Variants in FRMPD1 observed in about 807,000 individuals in gnomAD.
The protein encoded by FRMPD1 is FERM and PDZ domain containing 1.
In FRMPD1, 76 loss-of-function variants were observed where a neutral mutation model predicts 117.8. The ratio of observed to expected loss-of-function variants is 0.65; its 90% CI spans 0.54 to 0.78. The LOEUF (loss-of-function observed/expected upper bound fraction) is 0.78, where lower values mean the gene tolerates loss of function less well. FRMPD1 is among the 30% of genes least tolerant of loss of function. FRMPD1 has a pLI of 0.00. For synonymous variants in FRMPD1, 783 were observed against 770.4 expected, an observed-to-expected ratio of 1.02 and a Z score of -0.27; for missense variants, 1,786 against 1,964.5, an observed-to-expected ratio of 0.91 and a Z score of 1.72.
chr9:37,719,137 G>A lies in FRMPD1; in HGVS notation c.477G>A (p.Val159=), dbSNP rs1260792563. The stretch of plus-strand genomic sequence containing the variant: ...GACTGAAGACCAACCCCGTGAAGGT[G>A]CACTTTGCTGAAGAAGTGCTCATCA... ...RARLKTNPVK[V]HFAEEVLISG... Residue 159 remains valine (V), a synonymous_variant, in exon 6 of 16, where the codon GTG becomes GTA. Coordinates refer to ENST00000377765, the MANE Select transcript of FRMPD1 (RefSeq NM_014907.3). 7 of 1,613,320 alleles carry A rather than the reference G, an allele frequency of 4.3e-6. No homozygotes were observed. Among genetic ancestry groups the A allele is most frequent in the Non-Finnish European group, 4.2e-6 (5 of 1,179,340 alleles).
upstream of FRMPD1, among the ~76,000 whole-genome samples, chr9:37,649,461 G>C (rs2119345144): frequency 6.6e-6 from 1 of 152,288 alleles, no homozygotes; most frequent in South Asian, 2.1e-4. Context: ...CGTGGATCTG[G>C]GTGGCAGAGG....
chr9:37,733,781 G>T lies in FRMPD1; in HGVS notation c.1174G>T (p.Glu392Ter), dbSNP rs979040535. The T allele has an allele frequency of 1.6e-5, 25 of 1,606,524 alleles. No homozygotes were observed. Among genetic ancestry groups the T allele is most frequent in the Non-Finnish European group, 1.9e-5 (22 of 1,173,212 alleles). The change falls in exon 12 of 16, where the codon GAA (glutamate) becomes TAA (stop). Residue 392 changes from glutamate (E) to a stop codon, truncating the protein, a stop_gained. Coordinates refer to ENST00000377765, the MANE Select transcript of FRMPD1 (RefSeq NM_014907.3). LOFTEE classifies it high-confidence loss of function. ...LRLNYLQILGELKTYGGRIFN... is the reference protein window; with the variant it reads ...LRLNYLQILG ...TTTAAATTATCTACAGATCCTCGGA[G>T]AACTCAAGACATATGGTGGAAGAAT... is the stretch of plus-strand genomic sequence containing the variant.
In FRMPD1 at chr9:37,744,917, C is replaced by A. The variant is rs1412162831; in HGVS notation, c.2885C>A (p.Ala962Asp). Reference sequence around the variant, plus strand: ...GAGAATTCTGGTGTTGTCCCTGCTGCCAGCTCCTCAGCAAGCACTCCTCAC... The same window carrying A: ...GAGAATTCTGGTGTTGTCCCTGCTGACAGCTCCTCAGCAAGCACTCCTCAC... ...NKENSGVVPA[A>D]SSSASTPHCS... The change falls in exon 16 of 16, where the codon GCC becomes GAC. Residue 962 changes from alanine (A) to aspartate (D), a missense_variant. Transcript: ENST00000377765. 1.2e-6 allele frequency: 2 copies of A among 1,614,216 alleles called. No individual in the cohort carries two copies. Among genetic ancestry groups the A allele is most frequent in the Admixed American group, 3.3e-5 (2 of 60,032 alleles).
intron 1 of FRMPD1, among the ~76,000 whole-genome samples, chr9:37,662,529 G>C (rs541264398): frequency 6.8e-4 from 104 of 152,340 alleles, no homozygotes; most frequent in African/African-American, 2.4e-3. Context: ...GGAATACAGG[G>C]CTGAGGGATC....
At chr9:37,671,056 T>C (rs1821333770) in intron 1 of FRMPD1, among the ~76,000 whole-genome samples, 1 of 152,238 alleles carries the variant, frequency 6.6e-6, no homozygotes, top group Admixed American at 6.5e-5. Context: ...ACATTTTCTT[T>C]TAAACAAAAT....
intron 2 of FRMPD1, among the ~76,000 whole-genome samples, chr9:37,698,549 C>CTTTTTTTTTTT (rs531498194): frequency 3.2e-4 from 24 of 74,598 alleles, no homozygotes; most frequent in Non-Finnish European, 4.0e-4. Context: ...ATCTCATTAT[C>CTTTTTTTTTTT]TTTTTTTTTT....
intron 1 of FRMPD1, among the ~76,000 whole-genome samples, chr9:37,653,984 A>G (rs1229624713): frequency 6.6e-6 from 1 of 152,166 alleles, no homozygotes; most frequent in African/African-American, 2.4e-5. Flanking sequence ...ACAGAGGGTG[A>G]AGAATAACAT....
upstream of FRMPD1, among the ~76,000 whole-genome samples, chr9:37,647,343 A>G (rs913828065): frequency 1.3e-5 from 2 of 151,882 alleles, no homozygotes; most frequent in Non-Finnish European, 2.9e-5. Flanking sequence ...CCCCGTCTCT[A>G]CTAAAAATAC....
At chr9:37,685,220 G>C (rs1588925732) in intron 1 of FRMPD1, among the ~76,000 whole-genome samples, 1 of 152,108 alleles carries the variant, frequency 6.6e-6, no homozygotes, top group South Asian at 2.1e-4. Context: ...TTTAAAACAA[G>C]TTTTAAGGAT....
chr9:37,610,769 G>A, the FRMPD1 span, among the ~76,000 whole-genome samples: 3,404 of 151,406 alleles, frequency 0.022, 138 homozygotes, highest in African/African-American at 0.079. Flanking sequence ...TAATTGTGTG[G>A]TTTTTTTTCT....
chr9:37,708,429 G>A lies in FRMPD1; in HGVS notation c.290G>A (p.Gly97Asp), dbSNP rs763230237. 7 of 1,613,220 alleles carry A rather than the reference G, an allele frequency of 4.3e-6. No homozygotes were observed. Among genetic ancestry groups the A allele is most frequent in the Non-Finnish European group, 5.9e-6 (7 of 1,179,296 alleles). The change falls in exon 4 of 16, where the codon GGT (glycine) becomes GAT (aspartate). Residue 97 changes from glycine to aspartate, a missense_variant. Gly to Asp is a moderately conservative substitution (Grantham distance 94). Transcript: ENST00000377765. ...GGSAHGKLFP[G>D]DQILQMNNEP... is the part of the protein sequence containing the mutation. Reference sequence around the variant, plus strand: ...TCTGCTCACGGCAAGCTTTTCCCTGGTGATCAGATCCTCCAAATGAACAAT... The same window carrying A: ...TCTGCTCACGGCAAGCTTTTCCCTGATGATCAGATCCTCCAAATGAACAAT...
intron 1 of FRMPD1, among the ~76,000 whole-genome samples, chr9:37,677,005 G>C (rs1468234155): frequency 6.6e-6 from 1 of 152,196 alleles, no homozygotes; most frequent in African/African-American, 2.4e-5. Context: ...GGATCTAATG[G>C]AACGAATTGC....
chr9:37,647,979 C>G (rs1824173551), upstream of FRMPD1, among the ~76,000 whole-genome samples: 1 of 152,220 alleles, frequency 6.6e-6, no homozygotes, highest in South Asian at 2.1e-4. Context: ...AGCGACTTTA[C>G]TTCTTGGAGC....
At chr9:37,737,508 C>A (rs1361333410) in intron 14 of FRMPD1, among the ~76,000 whole-genome samples, 2 of 152,168 alleles carry the variant, frequency 1.3e-5, no homozygotes, top group South Asian at 2.1e-4. Context: ...CTAAGATTGT[C>A]TCTCAGATCC....
intron 1 of FRMPD1, among the ~76,000 whole-genome samples, chr9:37,683,861 A>G (rs187754983): frequency 0.055 from 4,663 of 84,292 alleles, 155 homozygotes; most frequent in East Asian, 0.25. Flanking sequence ...TGAAGTTAGC[A>G]AGTAGGCAGG....
intron 6 of FRMPD1, among the ~76,000 whole-genome samples, chr9:37,721,260 G>A (rs896504493): frequency 6.6e-6 from 1 of 152,178 alleles, no homozygotes; most frequent in Non-Finnish European, 1.5e-5. Flanking sequence ...AAACAAGTAA[G>A]AGTTCATCCC....
intron 1 of FRMPD1, among the ~76,000 whole-genome samples, chr9:37,677,869 G>A (rs1187407900): frequency 6.6e-6 from 1 of 152,212 alleles, no homozygotes; most frequent in Non-Finnish European, 1.5e-5. Flanking sequence ...CTGATTAGGT[G>A]TGTATGTGTC....
At chr9:37,686,197 G>C (rs916640491) in intron 1 of FRMPD1, among the ~76,000 whole-genome samples, 4 of 152,208 alleles carry the variant, frequency 2.6e-5, no homozygotes, top group Non-Finnish European at 4.4e-5. Flanking sequence ...TGGGGCAAAG[G>C]AGACTGAAAG....
intron 2 of FRMPD1, among the ~76,000 whole-genome samples, chr9:37,703,138 C>T (rs187913584): frequency 7.2e-5 from 11 of 152,088 alleles, no homozygotes; most frequent in South Asian, 6.2e-4. Flanking sequence ...CAAGGAATAC[C>T]GGTCAAAATG....
Sources: gnomAD v4.1 joint callset for allele counts (sites outside exome capture counted in the v4.1 genomes callset) on GRCh38, gnomAD v4.1.1 for gene constraint, MANE v1.5 for transcripts, NCBI Gene and HGNC (gene_info 2026-07-23, HGNC 2026-07-21) for gene names.